The following APBB2 variants were observed in gnomAD, a reference collection of about 807,000 sequenced individuals.
APBB2 encodes Fe65-like 1.
In APBB2, 38 loss-of-function variants were observed where a neutral mutation model predicts 82.5. That is an observed-to-expected ratio of 0.46 (90% confidence interval 0.36 to 0.60). The LOEUF is 0.60. APBB2 is among the 20% of genes least tolerant of loss of function. APBB2 has a pLI of 0.00. For synonymous variants in APBB2, 341 were observed against 368.2 expected, an observed-to-expected ratio of 0.93 and a Z score of 0.85; for missense variants, 772 against 972.3, an observed-to-expected ratio of 0.79 and a Z score of 2.74.
intron 3 of APBB2, among the ~76,000 whole-genome samples, chr4:41,084,438 G>GA (rs369505642): frequency 1.9e-4 from 29 of 150,622 alleles, no homozygotes; most frequent in South Asian, 6.3e-4. Flanking sequence ...AAAAGAAAAA[G>GA]AAAAAAAAAG....
At chr4:40,818,027 C>T (rs1746409393) in intron 17 of APBB2, among the ~76,000 whole-genome samples, 1 of 152,164 alleles carries the variant, frequency 6.6e-6, no homozygotes, top group Admixed American at 6.5e-5. Context: ...ATAAAGGGTC[C>T]CTCTCTGTTC....
chr4:41,145,731 A>C (rs1447675935), intron 1 of APBB2, among the ~76,000 whole-genome samples: 1 of 152,216 alleles, frequency 6.6e-6, no homozygotes, highest in East Asian at 1.9e-4. Flanking sequence ...AAAGAAGAAC[A>C]AAAGGCTTTC....
chr4:40,829,686 G>A (rs1751199668), intron 13 of APBB2, among the ~76,000 whole-genome samples: 1 of 152,136 alleles, frequency 6.6e-6, no homozygotes, highest in African/African-American at 2.4e-5. Context: ...TGGGTGTGTA[G>A]GGCAGAGGGT....
At chr4:41,117,398 T>A (rs373865730) in intron 2 of APBB2, among the ~76,000 whole-genome samples, 13 of 151,182 alleles carry the variant, frequency 8.6e-5, no homozygotes. Context: ...GTTCAAGCAA[T>A]TCTCCTGCCT....
At chr4:40,874,716 C>T (rs1766423399) in intron 12 of APBB2, among the ~76,000 whole-genome samples, 2 of 152,160 alleles carry the variant, frequency 1.3e-5, no homozygotes, top group South Asian at 2.1e-4. Flanking sequence ...TGCGGGACAG[C>T]TCAGACCCTT....
chr4:41,010,155 T>C (rs1040522056), intron 6 of APBB2, among the ~76,000 whole-genome samples: 5 of 152,212 alleles, frequency 3.3e-5, no homozygotes, highest in African/African-American at 7.2e-5. Flanking sequence ...CAGTGCAACA[T>C]GCTGAAGCAG....
chr4:40,904,996 A>G (rs1776330389), intron 10 of APBB2, among the ~76,000 whole-genome samples: 1 of 152,090 alleles, frequency 6.6e-6, no homozygotes, highest in Admixed American at 6.5e-5. Flanking sequence ...CCCTGGGCCC[A>G]CTACTGCCAT....
In APBB2 at chr4:41,209,368, C is replaced by A. The variant is rs181806530; in HGVS notation, c.-417+5037G>T. On this transcript the variant is annotated intron_variant, in intron 1 of 17. Coordinates refer to ENST00000508593, the MANE Select transcript of APBB2 (RefSeq NM_004307.2). ...AAAGAAAAAAAAGCTCATGATCCTGCTAATGACACTGAGTAGACACATTTC... is the reference window on the plus strand; with the variant it reads ...AAAGAAAAAAAAGCTCATGATCCTGATAATGACACTGAGTAGACACATTTC... 7.9e-4 allele frequency among the ~76,000 whole-genome samples: 121 copies of A among 152,326 alleles called. No homozygotes were observed. The Middle Eastern group carries it at 0.01, about 13-fold the overall frequency.
rs911704899 is a variant in APBB2, at chr4:40,925,265, T to G, written c.1254+9191A>C. Among the ~76,000 whole-genome samples the G allele has an allele frequency of 3.3e-5, 5 of 152,216 alleles. No individual in the cohort carries two copies. In the South Asian group the frequency reaches 8.3e-4, roughly 25 times the overall value. ...ATGGCGAATGCATAAAGAATGCTTA[T>G]TATGTGCTAAGGACTGTTCCAAGAC... is the stretch of plus-strand genomic sequence containing the variant. On this transcript the variant is annotated intron_variant, in intron 10 of 17. Coordinates refer to ENST00000508593, the MANE Select transcript of APBB2 (RefSeq NM_004307.2).
chr4:41,029,624 T>A (rs1436132524), intron 5 of APBB2, among the ~76,000 whole-genome samples: 1 of 152,238 alleles, frequency 6.6e-6, no homozygotes, highest in Non-Finnish European at 1.5e-5. Context: ...TTAACGAGCT[T>A]GATTTAGCCA....
In APBB2 at chr4:40,832,866, T is replaced by C. The variant is rs1325852665; in HGVS notation, c.1530-2289A>G. 2.0e-5 allele frequency among the ~76,000 whole-genome samples: 3 copies of C among 152,080 alleles called. No individual in the cohort carries two copies. The highest frequency in any genetic ancestry group is 4.4e-5 in the Non-Finnish European group (3 of 68,010). On this transcript the variant is annotated intron_variant, in intron 12 of 17. Transcript: ENST00000508593. This position sits in a 1 kb window ranked among gnomAD's most constrained non-coding sequence, Gnocchi z 4.8. ...TACTAATACATGTTTGCGGGCTGAG[T>C]ACAAGTGTGGGCCTGTGGCACACAT...
intron 6 of APBB2, among the ~76,000 whole-genome samples, chr4:40,998,322 G>GT: frequency 6.6e-6 from 1 of 152,186 alleles, no homozygotes; most frequent in South Asian, 2.1e-4. Context: ...AATAACCAAC[G>GT]CATGATGTTA....
chr4:40,984,380 T>C (rs981412382), intron 6 of APBB2, among the ~76,000 whole-genome samples: 38 of 151,902 alleles, frequency 2.5e-4, no homozygotes, highest in African/African-American at 8.7e-4. Flanking sequence ...AAGGACTTAA[T>C]TTCTGAGAAA....
At chr4:41,086,045 T>C (rs1056351980) in intron 3 of APBB2, among the ~76,000 whole-genome samples, 2 of 152,078 alleles carry the variant, frequency 1.3e-5, no homozygotes, top group Non-Finnish European at 2.9e-5. Context: ...ATTATAGGAG[T>C]ATAATTACCA....
At chr4:41,193,679 T>C in intron 1 of APBB2, 3 of 419,610 alleles carry the variant, frequency 7.1e-6, no homozygotes, top group Non-Finnish European at 9.6e-6. Flanking sequence ...GAACCACCAC[T>C]GCTGCTGTTA....
intron 10 of APBB2, among the ~76,000 whole-genome samples, chr4:40,914,322 G>A (rs957242671): frequency 3.3e-5 from 5 of 151,602 alleles, no homozygotes; most frequent in African/African-American, 9.7e-5. Flanking sequence ...GCAGGGAGCC[G>A]AGATCACACC....
chr4:41,146,696 AG>A (rs1249918766), intron 1 of APBB2, among the ~76,000 whole-genome samples: 3 of 152,184 alleles, frequency 2.0e-5, no homozygotes, highest in Non-Finnish European at 4.4e-5. Flanking sequence ...TCAGAAACCC[AG>A]GAGTCTCACA....
At chr4:41,190,336 C>G (rs575295312) in intron 1 of APBB2, among the ~76,000 whole-genome samples, 1 of 149,176 alleles carries the variant, frequency 6.7e-6, no homozygotes, top group African/African-American at 2.5e-5. Flanking sequence ...ACTGCAACCT[C>G]CACCTCCCAG....
At chr4:41,213,315 T>C (rs572757067) in intron 1 of APBB2, among the ~76,000 whole-genome samples, 2 of 152,274 alleles carry the variant, frequency 1.3e-5, no homozygotes, top group South Asian at 4.1e-4. Flanking sequence ...AGCCAGTGAC[T>C]GAGGGACTTA....
Sources: gnomAD v4.1 joint callset for allele counts (sites outside exome capture counted in the v4.1 genomes callset) on GRCh38, gnomAD v4.1.1 for gene constraint, Gnocchi (gnomAD v3.1) non-coding constraint, MANE v1.5 for transcripts, NCBI Gene and HGNC (gene_info 2026-07-23, HGNC 2026-07-21) for gene names.